The following SLC14A2 variants were observed in gnomAD, a reference collection of about 807,000 sequenced individuals.
SLC14A2 encodes urea transporter 2.
Under a neutral mutation model 104.6 loss-of-function variants are expected in SLC14A2, and 91 were observed. That is an observed-to-expected ratio of 0.87 (90% CI 0.73 to 1.04). SLC14A2 has a LOEUF of 1.04. SLC14A2 is among the 50% of genes least tolerant of loss of function. The pLI, the probability that SLC14A2 is intolerant of heterozygous loss-of-function variation, is 0.00. For synonymous variants in SLC14A2, 476 were observed against 466.4 expected (o/e 1.02, Z -0.27); for missense variants, 1,189 against 1,156.0 (o/e 1.03, Z -0.41).
chr18:45,357,878 C>T (rs1211352378), intron 1 of SLC14A2, among the ~76,000 whole-genome samples: 1 of 152,120 alleles, frequency 6.6e-6, no homozygotes, highest in Non-Finnish European at 1.5e-5. Flanking sequence ...TTTTGGTAAC[C>T]ACAAATGCAA....
rs1478320362 is a variant in SLC14A2 at position 45,673,701 on chromosome 18, C to G, written c.2396C>G (p.Pro799Arg). 6.2e-7 allele frequency: 1 copy of G among 1,614,104 alleles called. No homozygotes were observed. The highest frequency in any genetic ancestry group is 2.2e-5 in the East Asian group (1 of 44,872). The part of the protein sequence containing the change: ...GMLAALTIAT[P>R]FDSIYFGLCG... ...GTCACAGCACTCACTATTGCGACGCCCTTTGACTCCATCTACTTCGGCCTG... is the reference window on the plus strand; with the variant it reads ...GTCACAGCACTCACTATTGCGACGCGCTTTGACTCCATCTACTTCGGCCTG... The change falls in exon 18 of 20, where the codon CCC becomes CGC. Residue 799 changes from proline (P) to arginine (R), a missense_variant. Transcript: ENST00000255226.
intron 2 of SLC14A2, among the ~76,000 whole-genome samples, chr18:45,494,538 C>G (rs1838285274): frequency 6.6e-6 from 1 of 152,156 alleles, no homozygotes; most frequent in Non-Finnish European, 1.5e-5. Flanking sequence ...GCTGGGATCA[C>G]AGGCACATGC....
intron 1 of SLC14A2, among the ~76,000 whole-genome samples, chr18:45,249,194 G>T (rs989623486): frequency 2.6e-5 from 4 of 151,860 alleles, no homozygotes; most frequent in African/African-American, 7.3e-5. Context: ...AATAGAGAAG[G>T]AAATATATTT....
At chr18:45,499,088 ACAC>A (rs1372820472) in intron 2 of SLC14A2, among the ~76,000 whole-genome samples, 1 of 152,000 alleles carries the variant, frequency 6.6e-6, no homozygotes, top group South Asian at 2.1e-4. Context: ...CCAGTCCCAA[ACAC>A]CACCACCACC....
chr18:45,260,839 G>A (rs535287386), intron 1 of SLC14A2, among the ~76,000 whole-genome samples: 54 of 152,214 alleles, frequency 3.5e-4, no homozygotes, highest in Middle Eastern at 3.4e-3. Context: ...GACTACTAGA[G>A]AGGGGAGGAA....
intron 2 of SLC14A2, among the ~76,000 whole-genome samples, chr18:45,504,407 TG>T (rs946711701): frequency 5.3e-5 from 8 of 152,204 alleles, no homozygotes; most frequent in African/African-American, 1.9e-4. Context: ...GTGAACCATT[TG>T]CCAGACCACA....
chr18:45,518,631 G>A (rs1374694338), intron 2 of SLC14A2, among the ~76,000 whole-genome samples: 12 of 150,552 alleles, frequency 8.0e-5, no homozygotes, highest in Non-Finnish European at 4.4e-5. Flanking sequence ...ACAGAGGAGT[G>A]GCTCAAACTG....
chr18:45,599,575 C>T (rs1183540375), intron 2 of SLC14A2, among the ~76,000 whole-genome samples: 1 of 152,212 alleles, frequency 6.6e-6, no homozygotes, highest in South Asian at 2.1e-4. Flanking sequence ...ATGATTGTGT[C>T]TGTCTCTCTC....
chr18:45,193,375 T>G, the SLC14A2 span, among the ~76,000 whole-genome samples: 1 of 152,228 alleles, frequency 6.6e-6, no homozygotes, highest in Non-Finnish European at 1.5e-5. Flanking sequence ...AGGTTTACAT[T>G]TATAATTCTT....
At chr18:45,346,347 G>T (rs1243813952) in intron 1 of SLC14A2, among the ~76,000 whole-genome samples, 4 of 152,154 alleles carry the variant, frequency 2.6e-5, no homozygotes, top group Non-Finnish European at 5.9e-5. Flanking sequence ...AGTAGAGACA[G>T]GGTTTTGCCA....
chr18:45,479,513 T>G (rs1268383939), intron 1 of SLC14A2, among the ~76,000 whole-genome samples: 1 of 152,188 alleles, frequency 6.6e-6, no homozygotes, highest in Non-Finnish European at 1.5e-5. Context: ...CCTACTTTTT[T>G]CTCATCCTTT....
chr18:45,529,577 C>A (rs983105500), intron 2 of SLC14A2: 1 of 152,320 alleles, frequency 6.6e-6, no homozygotes, highest in African/African-American at 2.4e-5. Context: ...AAGTTTAACT[C>A]AAATTTCAAT....
At chr18:45,208,433 G>T (rs1489063243), upstream of SLC14A2, among the ~76,000 whole-genome samples, 2 of 152,112 alleles carry the variant, frequency 1.3e-5, no homozygotes, top group Non-Finnish European at 2.9e-5. Flanking sequence ...ATGAGTTAAC[G>T]CAGGTGGCCA....
chr18:45,456,792 T>C (rs1481509095), intron 1 of SLC14A2, among the ~76,000 whole-genome samples: 1 of 152,026 alleles, frequency 6.6e-6, no homozygotes, highest in Non-Finnish European at 1.5e-5. Flanking sequence ...AAGCATCTTA[T>C]TTTCTGGGCA....
intron 2 of SLC14A2, among the ~76,000 whole-genome samples, chr18:45,606,747 AC>A (rs1362854846): frequency 0.014 from 681 of 48,868 alleles, 8 homozygotes; most frequent in African/African-American, 0.026. Flanking sequence ...AAAAAAAAAA[AC>A]AAAACAAAAA....
chr18:45,353,365 G>A (rs2085521380), intron 1 of SLC14A2, among the ~76,000 whole-genome samples: 1 of 152,152 alleles, frequency 6.6e-6, no homozygotes, highest in African/African-American at 2.4e-5. Flanking sequence ...AAAGAATGAT[G>A]GTAAACTGGT....
intron 2 of SLC14A2, among the ~76,000 whole-genome samples, chr18:45,567,622 C>A (rs1188320515): frequency 6.6e-6 from 1 of 152,064 alleles, no homozygotes; most frequent in Non-Finnish European, 1.5e-5. Flanking sequence ...TGAGTGTGAC[C>A]ATCCTGGGGA....
At chr18:45,232,877 A>G (rs1411267424) in intron 1 of SLC14A2, among the ~76,000 whole-genome samples, 2 of 152,214 alleles carry the variant, frequency 1.3e-5, no homozygotes, top group African/African-American at 4.8e-5. Context: ...CTTAGAATCA[A>G]GTTCCAACCT....
intron 2 of SLC14A2, among the ~76,000 whole-genome samples, chr18:45,506,568 T>TGA (rs2043289027): frequency 6.6e-6 from 1 of 151,616 alleles, no homozygotes; most frequent in African/African-American, 2.4e-5. Flanking sequence ...GAAAAAGACA[T>TGA]GAGAGAGAGA....
Sources: allele counts gnomAD v4.1 joint callset (sites outside exome capture counted in the v4.1 genomes callset), GRCh38; gene constraint gnomAD v4.1.1; transcripts MANE v1.5; gene names NCBI Gene and HGNC (gene_info 2026-07-23, HGNC 2026-07-21).